The following PRELID2 variants were observed in gnomAD, a reference collection of about 807,000 sequenced individuals.
PRELID2 encodes PRELI domain-containing protein 2.
In PRELID2, 25 loss-of-function variants were observed where a neutral mutation model predicts 28.4. That is an observed-to-expected ratio of 0.88 (90% CI 0.64 to 1.23). The LOEUF is 1.23. PRELID2 is among the 50% of genes most tolerant of loss of function. The probability of loss-of-function intolerance (pLI) is 0.00; values close to 1 mark genes in which losing one functional copy is unlikely to be tolerated. For missense variants in PRELID2, 201 were observed against 214.4 expected (o/e 0.94, Z 0.39); for synonymous variants, 76 against 71.6 (o/e 1.06, Z -0.31).
chr5:145,622,744 G>C (rs1419220675), intron 1 of PRELID2, among the ~76,000 whole-genome samples: 1 of 151,768 alleles, frequency 6.6e-6, no homozygotes, highest in African/African-American at 2.4e-5. Flanking sequence ...TTTGGCCTAA[G>C]TTCTGAAAGT....
intron 1 of PRELID2, among the ~76,000 whole-genome samples, chr5:145,707,556 T>C (rs758127104): frequency 7.2e-5 from 11 of 152,128 alleles, no homozygotes; most frequent in Admixed American, 2.6e-4. Flanking sequence ...ATCCATAAGG[T>C]ACTGAAATGG....
chr5:145,250,568 T>C, the PRELID2 span, among the ~76,000 whole-genome samples: 2 of 152,076 alleles, frequency 1.3e-5, no homozygotes, highest in South Asian at 4.2e-4. Flanking sequence ...CCATGGGATG[T>C]TGGGTTGTTC....
At chr5:145,653,785 A>G (rs1754341807) in intron 1 of PRELID2, among the ~76,000 whole-genome samples, 1 of 152,376 alleles carries the variant, frequency 6.6e-6, no homozygotes, top group African/African-American at 2.4e-5. Context: ...AAATGCCCAC[A>G]AGAGAAAGCA....
chr5:145,473,983 C>T (rs971986423), intron 1 of PRELID2, among the ~76,000 whole-genome samples: 3 of 152,124 alleles, frequency 2.0e-5, no homozygotes, highest in Admixed American at 6.5e-5. Context: ...CTGTGGAAGC[C>T]GCCTTAGTTA....
the PRELID2 span, among the ~76,000 whole-genome samples, chr5:145,428,730 G>A: frequency 6.6e-6 from 1 of 152,212 alleles, no homozygotes; most frequent in African/African-American, 2.4e-5. Flanking sequence ...TTTATTGGGG[G>A]CTATTTAAAT....
At chr5:145,383,072 C>T in the PRELID2 span, among the ~76,000 whole-genome samples, 1 of 151,308 alleles carries the variant, frequency 6.6e-6, no homozygotes, top group Non-Finnish European at 1.5e-5. Context: ...TCTGTAGACT[C>T]AATGCAATTT....
chr5:145,804,318 G>C (rs1383116740), intron 4 of PRELID2, among the ~76,000 whole-genome samples: 2 of 151,996 alleles, frequency 1.3e-5, no homozygotes, highest in African/African-American at 4.8e-5. Flanking sequence ...AGACCAGCCT[G>C]GCCAACATGA....
intron 1 of PRELID2, among the ~76,000 whole-genome samples, chr5:145,746,315 A>T (rs1756990434): frequency 6.6e-6 from 1 of 152,196 alleles, no homozygotes; most frequent in Non-Finnish European, 1.5e-5. Context: ...AAAGGGATGG[A>T]GGAAAATTTA....
chr5:145,304,176 TA>T, the PRELID2 span, among the ~76,000 whole-genome samples: 1 of 152,190 alleles, frequency 6.6e-6, no homozygotes. Context: ...ATAATATATG[TA>T]TTAAACACTT....
intron 1 of PRELID2, among the ~76,000 whole-genome samples, chr5:145,728,007 T>C (rs1191273332): frequency 6.6e-6 from 1 of 152,198 alleles, no homozygotes; most frequent in African/African-American, 2.4e-5. Flanking sequence ...TTTTATACTT[T>C]CCCTCTCAGA....
Position 145,563,106 on chromosome 5 carries a change from C to T in PRELID2, n.71-89791G>A, listed in dbSNP as rs562616459. ...TCCAGGGGTGGGCACATGATCCACG[C>T]TTGGCCAATGATCTTATCCTCATAC... On this transcript the variant is annotated intron_variant and non_coding_transcript_variant, in intron 1 of 2. Coordinates refer to the PRELID2 transcript ENST00000510259. Among the ~76,000 whole-genome samples the T allele has an allele frequency of 2.0e-5, 3 of 152,338 alleles. No individual in the cohort carries two copies. In the East Asian group the frequency reaches 5.8e-4, roughly 29 times the overall value.
chr5:145,474,233 G>A lies in PRELID2; in HGVS notation n.71-918C>T, dbSNP rs146119648. Among the ~76,000 whole-genome samples, 262 of 152,300 alleles carry A rather than the reference G, an allele frequency of 1.7e-3. 1 individual carries two copies. Among genetic ancestry groups the A allele is most frequent in the African/African-American group, 6.0e-3 (251 of 41,560 alleles). Reference sequence around the variant, plus strand: ...AGAAAGAACAATGTAGAATGTAGACGTGATCAGTTTTGTATTATTTTATTA... The same window carrying A: ...AGAAAGAACAATGTAGAATGTAGACATGATCAGTTTTGTATTATTTTATTA... On this transcript the variant is annotated intron_variant and non_coding_transcript_variant, in intron 1 of 2. Transcript: ENST00000510259.
chr5:145,370,740 T>C, the PRELID2 span, among the ~76,000 whole-genome samples: 1 of 152,182 alleles, frequency 6.6e-6, no homozygotes. Flanking sequence ...ATATTGATTC[T>C]TCCTGTCCAT....
rs1318849513 is a variant in PRELID2, at chr5:145,758,106, G to A, written c.*2430C>T. On this transcript the variant is annotated 3_prime_UTR_variant, in exon 7 of 7. Coordinates refer to ENST00000683046, the MANE Select transcript of PRELID2 (RefSeq NM_205846.3). Reference sequence around the variant, plus strand: ...CTACTGGCTGGCAAACATGTTTTTTGTTTTGGCCAGCACAATGTTTTAAAC... The same window carrying A: ...CTACTGGCTGGCAAACATGTTTTTTATTTTGGCCAGCACAATGTTTTAAAC... Among the ~76,000 whole-genome samples the A allele has an allele frequency of 6.6e-6, 1 of 152,044 alleles. No homozygotes were observed. The highest frequency in any genetic ancestry group is 1.5e-5 in the Non-Finnish European group (1 of 68,002).
chr5:145,739,827 T>A (rs1284682829), intron 1 of PRELID2, among the ~76,000 whole-genome samples: 1 of 151,768 alleles, frequency 6.6e-6, no homozygotes, highest in Non-Finnish European at 1.5e-5. Context: ...ACCTAATTTT[T>A]TTAAAAAACT....
chr5:145,652,180 T>G (rs10055564), intron 1 of PRELID2, among the ~76,000 whole-genome samples: 11,344 of 152,038 alleles, frequency 0.075, 1,085 homozygotes, highest in African/African-American at 0.22. Flanking sequence ...TGAATGAAAT[T>G]AAGCAAGAAG....
At chr5:145,628,104 G>A (rs1237790838) in intron 1 of PRELID2, among the ~76,000 whole-genome samples, 1 of 152,042 alleles carries the variant, frequency 6.6e-6, no homozygotes, top group Non-Finnish European at 1.5e-5. Flanking sequence ...TTTACACATT[G>A]TATTTTACAC....
intron 1 of PRELID2, among the ~76,000 whole-genome samples, chr5:145,687,873 A>C (rs1581058746): frequency 6.6e-6 from 1 of 152,232 alleles, no homozygotes; most frequent in East Asian, 1.9e-4. Flanking sequence ...CATTTTACAG[A>C]TTAATAAACT....
At chr5:145,782,942 TGA>T (rs1254520873) in intron 5 of PRELID2, among the ~76,000 whole-genome samples, 2 of 152,326 alleles carry the variant, frequency 1.3e-5, no homozygotes, top group Admixed American at 1.3e-4. Flanking sequence ...AAGATGTTAG[TGA>T]AGCTCAGAGC....
Sources: gnomAD v4.1 joint callset for allele counts (sites outside exome capture counted in the v4.1 genomes callset) on GRCh38, gnomAD v4.1.1 for gene constraint, MANE v1.5 for transcripts, NCBI Gene and HGNC (gene_info 2026-07-23, HGNC 2026-07-21) for gene names.